Variants in FNBP4 observed in about 807,000 individuals in gnomAD.
FNBP4 encodes the protein formin binding protein 4, also known as formin-binding protein 4.
In FNBP4, 34 loss-of-function variants were observed where a neutral mutation model predicts 119.3. The observed-to-expected ratio is 0.28, with a 90% confidence interval of 0.22 to 0.38. The LOEUF is 0.38. Among genes scored for constraint, FNBP4 ranks in the 10% least tolerant of loss-of-function variants. The pLI is 1.00. For missense variants in FNBP4, 1,112 were observed against 1,228.9 expected (o/e 0.90, Z 1.42); for synonymous variants, 462 against 430.6 (o/e 1.07, Z -0.90).
intron 2 of FNBP4, among the ~76,000 whole-genome samples, chr11:47,763,641 C>G (rs2097640745): frequency 6.6e-6 from 1 of 151,972 alleles, no homozygotes; most frequent in African/African-American, 2.4e-5. Flanking sequence ...GCTGGGACTA[C>G]AGGCGCCCGC....
intron 11 of FNBP4, 112 bp from the exon 12 acceptor site, chr11:47,731,673 A>C: frequency 6.8e-7 from 1 of 1,467,974 alleles, no homozygotes; most frequent in Non-Finnish European, 8.9e-7. Context: ...GAACCTCTTA[A>C]TGGACTGCTA....
rs1327998637 is a variant in FNBP4 at position 47,754,512 on chromosome 11, C to T, written c.450+16G>A. On this transcript the variant is annotated intron_variant, in intron 3 of 16. Transcript: ENST00000263773. ...TAGCTTCAGTAACTAAAACTCCAAA[C>T]GAAAGCACCACTAACCGCTAGGAAG... The T allele has an allele frequency of 7.5e-6, 12 of 1,610,182 alleles. No individual in the cohort carries two copies. The highest frequency in any genetic ancestry group is 4.4e-5 in the South Asian group (4 of 90,440).
Position 47,717,424 on chromosome 11 carries a change from A to T in FNBP4, c.3052T>A (p.Ter1018LysextTer5), listed in dbSNP as rs745645205. The T allele has an allele frequency of 6.2e-7, 1 of 1,606,216 alleles. No individual in the cohort carries two copies. The highest frequency in any genetic ancestry group is 2.2e-5 in the East Asian group (1 of 44,818). Reference sequence around the variant, plus strand: ...AAAAAGTTTTAAAAACTTAAAAACTATGTGTTTGGAGCCATTTTCCTTCTC... The same window carrying T: ...AAAAAGTTTTAAAAACTTAAAAACTTTGTGTTTGGAGCCATTTTCCTTCTC... ...LKRRKMAPNT[*>K] The change falls in exon 17 of 17, where the codon TAG becomes AAG. Residue 1018 changes from the stop codon to lysine, a stop_lost. Transcript: ENST00000263773.
chr11:47,760,855 G>A (rs1219175505), intron 2 of FNBP4, among the ~76,000 whole-genome samples: 3 of 152,136 alleles, frequency 2.0e-5, no homozygotes, highest in Non-Finnish European at 2.9e-5. Context: ...CACAGTGACC[G>A]CCTAGATTCC....
At chr11:47,753,942 C>T (rs1011484988) in intron 3 of FNBP4, among the ~76,000 whole-genome samples, 31 of 152,158 alleles carry the variant, frequency 2.0e-4, no homozygotes, top group African/African-American at 6.5e-4. Context: ...TGGTGGCTCA[C>T]GCTTGTAATC....
In FNBP4 at chr11:47,732,256, C is replaced by T. The variant is rs1488009950; in HGVS notation, c.1820+281G>A. The T allele has an allele frequency of 8.1e-7, 1 of 1,230,444 alleles. No homozygotes were observed. Among genetic ancestry groups the T allele is most frequent in the Non-Finnish European group, 1.0e-6 (1 of 979,640 alleles). The allele number at this position is 1,230,444 out of a possible 1,614,324, so 76.2% of individuals were successfully genotyped here. The stretch of plus-strand genomic sequence containing the variant: ...ACAGAGCTCTCGCATGCGCTTAACC[C>T]CCAAGCCCGCCCTACTCCGTGCAAC... On this transcript the variant is annotated intron_variant, in intron 11 of 16. Transcript: ENST00000263773. This position sits in a 1 kb window ranked among gnomAD's most constrained non-coding sequence, Gnocchi z 4.2.
Position 47,767,192 on chromosome 11 carries a change from G to A in FNBP4, c.97C>T (p.Pro33Ser). 6.4e-7 allele frequency: 1 copy of A among 1,561,838 alleles called. No individual in the cohort carries two copies. Among genetic ancestry groups the A allele is most frequent in the Middle Eastern group, 1.7e-4 (1 of 5,856 alleles). The change falls in exon 1 of 17, where the codon CCG (proline) becomes TCG (serine). Residue 33 changes from proline (P) to serine (S), a missense_variant. By Grantham distance (74) the Pro-to-Ser change is moderately conservative. Around this residue, in one of 2 missense-constraint regions of FNBP4, gnomAD observed 286 missense variants for 240.1 expected, o/e 1.19. Transcript: ENST00000263773. ...RGSTPGRDPE[P>S]EPDTEPDSTA... is the part of the protein sequence containing the mutation. ...GAGTCCGGCTCAGTGTCGGGTTCCG[G>A]CTCCGGGTCCCGGCCCGGCGTGCTG... is the stretch of plus-strand genomic sequence containing the variant.
At chr11:47,734,994 A>AG (rs2097572228) in intron 9 of FNBP4, among the ~76,000 whole-genome samples, 1 of 140,594 alleles carries the variant, frequency 7.1e-6, no homozygotes, top group Non-Finnish European at 1.6e-5. Flanking sequence ...CCCCCCAAAA[A>AG]AAAAGGAAAT....
At chr11:47,751,440 T>G in intron 4 of FNBP4, 150 bp from the exon 5 acceptor site, 1 of 841,966 alleles carries the variant, frequency 1.2e-6, no homozygotes, top group Non-Finnish European at 1.9e-6. Context: ...CAATCCTATG[T>G]GGAGGTTTTA....
intron 9 of FNBP4, 67 bp downstream of exon 9, chr11:47,736,549 G>A: frequency 1.5e-6 from 2 of 1,321,436 alleles, no homozygotes; most frequent in Non-Finnish European, 2.1e-6. Context: ...GACAGAGCAA[G>A]ACTCCGTCTC....
intron 15 of FNBP4, among the ~76,000 whole-genome samples, chr11:47,722,253 CT>C (rs56018868): frequency 0.99 from 145,242 of 146,338 alleles, 72,079 homozygotes; most frequent in Non-Finnish European, 1. Flanking sequence ...CCCCGTTTTT[CT>C]TTTTTTTTTT....
chr11:47,720,451 T>C (rs1330617347), intron 15 of FNBP4, among the ~76,000 whole-genome samples: 1 of 151,780 alleles, frequency 6.6e-6, no homozygotes, highest in Non-Finnish European at 1.5e-5. Flanking sequence ...GCCTGTAGTC[T>C]CAGCTACTCG....
At chr11:47,751,071 G>A (rs755703671) in intron 5 of FNBP4, 35 bp from the exon 6 acceptor site, 1 of 1,612,584 alleles carries the variant, frequency 6.2e-7, no homozygotes, top group South Asian at 1.1e-5. Flanking sequence ...AGAAATATAA[G>A]ACAAATACTA....
chr11:47,750,046 A>G (rs1409780157), intron 6 of FNBP4, among the ~76,000 whole-genome samples: 3 of 151,966 alleles, frequency 2.0e-5, no homozygotes, highest in African/African-American at 7.2e-5. Context: ...CTTTGCAATG[A>G]TCCAAGAGGC....
At chr11:47,747,671 C>G (rs752862534) in intron 6 of FNBP4, among the ~76,000 whole-genome samples, 1 of 151,990 alleles carries the variant, frequency 6.6e-6, no homozygotes, top group Non-Finnish European at 1.5e-5. Flanking sequence ...ATTCCTAGGC[C>G]GGGCGCAGTG....
At chr11:47,731,988 A>C in intron 11 of FNBP4, 1 of 994,386 alleles carries the variant, frequency 1.0e-6, no homozygotes, top group South Asian at 4.7e-5. Context: ...CATATTCTTG[A>C]TATCAAACAC....
rs148666719 is a variant in FNBP4, at chr11:47,765,374, A to AAAAAGAAAAGAAGAAAAG, written c.221-13_221-12insCTTTTCTTCTTTTCTTTT. ...CGCTTCCTGTTCATCTGGATTAAAAAAAAAGAAAAGAAAAGAAAAGAAAAG... is the reference window on the plus strand; with the variant it reads ...CGCTTCCTGTTCATCTGGATTAAAAAAAAAGAAAAGAAGAAAAGAAAAGAAAAGAAAAGAAAAGAAAAG... On this transcript the variant is annotated splice_polypyrimidine_tract_variant and intron_variant, in intron 1 of 16. Coordinates refer to ENST00000263773, the MANE Select transcript of FNBP4 (RefSeq NM_015308.5). 1.0e-4 allele frequency: 103 copies of AAAAAGAAAAGAAGAAAAG among 1,033,520 alleles called. No individual in the cohort carries two copies. In the African/African-American group the frequency reaches 1.6e-3, roughly 16 times the overall value. 64.0% of individuals were successfully genotyped at this position (1,033,520 alleles called of 1,614,324 possible).
At chr11:47,749,396 T>C (rs2097597285) in intron 6 of FNBP4, among the ~76,000 whole-genome samples, 1 of 151,940 alleles carries the variant, frequency 6.6e-6, no homozygotes. Context: ...ACCTCGTCTC[T>C]ACTAAAAAAA....
intron 1 of FNBP4, among the ~76,000 whole-genome samples, chr11:47,765,945 C>G (rs2097646972): frequency 6.8e-6 from 1 of 147,298 alleles, no homozygotes; most frequent in South Asian, 2.2e-4. Context: ...CTCGGCCTCC[C>G]AAAGTGCTGG....
Sources: allele counts gnomAD v4.1 joint callset (sites outside exome capture counted in the v4.1 genomes callset), GRCh38; gene constraint gnomAD v4.1.1; regional missense constraint gnomAD v4.1.1; non-coding constraint Gnocchi (gnomAD v3.1); transcripts MANE v1.5; gene names NCBI Gene and HGNC (gene_info 2026-07-23, HGNC 2026-07-21).